Variants in HTR2A observed in about 807,000 individuals in gnomAD.
The protein encoded by HTR2A is 5-HT2 receptor.
HTR2A carries 14 observed loss-of-function variants against 31.0 expected under a neutral mutation model. The ratio of observed to expected loss-of-function variants is 0.45; its 90% CI spans 0.30 to 0.71. HTR2A has a LOEUF of 0.71. Among genes scored for constraint, HTR2A ranks in the 30% least tolerant of loss-of-function variants. The pLI is 0.09. For missense variants in HTR2A, 442 were observed against 573.3 expected, an observed-to-expected ratio of 0.77 and a Z score of 2.34; for synonymous variants, 209 against 225.2, an observed-to-expected ratio of 0.93 and a Z score of 0.64.
chr13:46,858,619 A>C (rs1950757147), intron 3 of HTR2A, among the ~76,000 whole-genome samples: 1 of 152,198 alleles, frequency 6.6e-6, no homozygotes, highest in Admixed American at 6.5e-5. Context: ...AATGGAAATA[A>C]ATCAGACCAG....
chr13:46,869,726 A>G (rs1431880364), intron 3 of HTR2A, among the ~76,000 whole-genome samples: 1 of 152,160 alleles, frequency 6.6e-6, no homozygotes, highest in Non-Finnish European at 1.5e-5. Flanking sequence ...AATATTATTC[A>G]GCCATAGAAA....
In HTR2A at chr13:46,868,577, A is replaced by T. The variant is rs150656158; in HGVS notation, c.613+23813T>A. On this transcript the variant is annotated intron_variant, in intron 3 of 3. Transcript: ENST00000542664. ...CTCTTACAGATATATCATTTTTACT[A>T]TTAAATATAGTTCTTTGAAAGAACC... 3.1e-3 allele frequency among the ~76,000 whole-genome samples: 472 copies of T among 152,286 alleles called. 4 individuals are homozygous for T. Among genetic ancestry groups the T allele is most frequent in the African/African-American group, 0.011 (447 of 41,562 alleles).
At chr13:46,866,792 C>T (rs938352010) in intron 3 of HTR2A, among the ~76,000 whole-genome samples, 1 of 152,160 alleles carries the variant, frequency 6.6e-6, no homozygotes, top group Non-Finnish European at 1.5e-5. Flanking sequence ...TTTGGGAGGC[C>T]AAGGTGGGTG....
chr13:46,880,401 T>G (rs1378831554), intron 3 of HTR2A, among the ~76,000 whole-genome samples: 2 of 152,178 alleles, frequency 1.3e-5, no homozygotes, highest in East Asian at 1.9e-4. Flanking sequence ...AGGGGCAGCA[T>G]GCAGATGTTA....
At chr13:46,870,071 T>G (rs1362436040) in intron 3 of HTR2A, among the ~76,000 whole-genome samples, 5 of 152,188 alleles carry the variant, frequency 3.3e-5, no homozygotes. Context: ...TATATTTTAC[T>G]GCATAAAGTA....
intron 3 of HTR2A, among the ~76,000 whole-genome samples, chr13:46,841,695 C>T (rs1950598509): frequency 6.6e-6 from 1 of 152,030 alleles, no homozygotes; most frequent in Non-Finnish European, 1.5e-5. Flanking sequence ...TCTCCTCTGA[C>T]CCTCCTTCCT....
chr13:46,895,682 G>A lies in HTR2A; in HGVS notation c.225C>T (p.Asn75=). ...CTACGGCTGTCAGTAAAGCAGACCAGTTTTTTTCCTGGAGATGAAGTAAGG... is the reference window on the plus strand; with the variant it reads ...CTACGGCTGTCAGTAAAGCAGACCAATTTTTTTCCTGGAGATGAAGTAAGG... ...CLSLLHLQEK[N]WSALLTAVVI... The change falls in exon 2 of 4, where the codon AAC becomes AAT. Residue 75 remains asparagine (N), a synonymous_variant. Transcript: ENST00000542664. This position sits in a 1 kb window ranked among gnomAD's most constrained non-coding sequence, Gnocchi z 4.4. The A allele has an allele frequency of 6.2e-7, 1 of 1,614,046 alleles. No homozygotes were observed. The highest frequency in any genetic ancestry group is 1.1e-5 in the South Asian group (1 of 91,066).
intron 3 of HTR2A, among the ~76,000 whole-genome samples, chr13:46,861,974 G>C (rs1242759007): frequency 1.3e-5 from 2 of 152,190 alleles, no homozygotes; most frequent in African/African-American, 4.8e-5. Flanking sequence ...CTCCTTGTTT[G>C]TCTATAAGAT....
chr13:46,894,769 C>G (rs940404341), intron 2 of HTR2A, among the ~76,000 whole-genome samples: 1 of 152,192 alleles, frequency 6.6e-6, no homozygotes, highest in Admixed American at 6.5e-5. Flanking sequence ...CTGTTTCAAA[C>G]TCTGTTGAGA....
chr13:46,863,673 T>C lies in HTR2A; in HGVS notation c.614-28034A>G, dbSNP rs550986163. Among the ~76,000 whole-genome samples the C allele has an allele frequency of 3.4e-4, 45 of 133,288 alleles. 1 individual carries two copies. Among genetic ancestry groups the C allele is most frequent in the Admixed American group, 1.2e-3 (17 of 13,638 alleles). The allele number at this position is 133,288 out of a possible 152,430, so 87.4% of individuals were successfully genotyped here. A position where few individuals can be genotyped will look rare whatever the true frequency, so the allele number is the denominator to read the frequency against. On this transcript the variant is annotated intron_variant, in intron 3 of 3. Coordinates refer to ENST00000542664, the MANE Select transcript of HTR2A (RefSeq NM_000621.5). ...AAGAAAAAAAAAAAAGACAGTCATA[T>C]GAAAAAAGCTCAACATCACTGATCA...
At chr13:46,849,738 C>T (rs1444342403) in intron 3 of HTR2A, among the ~76,000 whole-genome samples, 2 of 152,214 alleles carry the variant, frequency 1.3e-5, no homozygotes, top group Non-Finnish European at 2.9e-5. Context: ...CTGAGTCACT[C>T]TGTAGCGGAT....
chr13:46,846,178 G>A (rs1034545741), intron 3 of HTR2A, among the ~76,000 whole-genome samples: 5 of 152,168 alleles, frequency 3.3e-5, no homozygotes, highest in Non-Finnish European at 7.4e-5. Flanking sequence ...TCATTTAATT[G>A]GAGTTTTTTT....
At chr13:46,872,183 T>C (rs1455137609) in intron 3 of HTR2A, among the ~76,000 whole-genome samples, 1 of 152,222 alleles carries the variant, frequency 6.6e-6, no homozygotes, top group Non-Finnish European at 1.5e-5. Context: ...ATGCACCAGC[T>C]TAAGGAAATC....
chr13:46,883,247 A>G (rs1304926202), intron 3 of HTR2A, among the ~76,000 whole-genome samples: 2 of 152,220 alleles, frequency 1.3e-5, no homozygotes, highest in East Asian at 3.8e-4. Context: ...GCATGAAGGC[A>G]AGAGGTTAGG....
intron 3 of HTR2A, among the ~76,000 whole-genome samples, chr13:46,890,712 A>G (rs1825521884): frequency 6.6e-6 from 1 of 152,170 alleles, no homozygotes; most frequent in African/African-American, 2.4e-5. Context: ...TGTCTCACCA[A>G]TGGCACAGTA....
intron 3 of HTR2A, among the ~76,000 whole-genome samples, chr13:46,862,465 A>C (rs1446635712): frequency 6.6e-6 from 1 of 152,246 alleles, no homozygotes; most frequent in Non-Finnish European, 1.5e-5. Flanking sequence ...AATAAAACAA[A>C]AACAGAAAAA....
In HTR2A at chr13:46,896,899, G is replaced by T; in HGVS notation, c.-554C>A. 7.2e-7 allele frequency: 1 copy of T among 1,387,230 alleles called. No individual in the cohort carries two copies. Among genetic ancestry groups the T allele is most frequent in the Non-Finnish European group, 9.8e-7 (1 of 1,019,314 alleles). The allele number at this position is 1,387,230 out of a possible 1,614,324, so 85.9% of individuals were successfully genotyped here. A position where few individuals can be genotyped will look rare whatever the true frequency, so the allele number is the denominator to read the frequency against. ...GGCTTCCTCTGGCACGGCTCGGCTG[G>T]GTTCCTCCCTCCCTGTGCGGCTCGC... On this transcript the variant is annotated 5_prime_UTR_variant, in exon 1 of 4. Transcript: ENST00000542664.
At chr13:46,850,300 T>G (rs1181293431) in intron 3 of HTR2A, among the ~76,000 whole-genome samples, 1 of 152,260 alleles carries the variant, frequency 6.6e-6, no homozygotes, top group African/African-American at 2.4e-5. Flanking sequence ...TGGTGCTTAC[T>G]GTGCTCCAGG....
At chr13:46,886,416 G>T (rs1951006621) in intron 3 of HTR2A, among the ~76,000 whole-genome samples, 1 of 152,082 alleles carries the variant, frequency 6.6e-6, no homozygotes, top group Admixed American at 6.5e-5. Flanking sequence ...GATGCTGATT[G>T]TCACAAATGT....
Sources: gnomAD v4.1 joint callset for allele counts (sites outside exome capture counted in the v4.1 genomes callset) on GRCh38, gnomAD v4.1.1 for gene constraint, Gnocchi (gnomAD v3.1) non-coding constraint, MANE v1.5 for transcripts, NCBI Gene and HGNC (gene_info 2026-07-23, HGNC 2026-07-21) for gene names.